Variants in RGS7 observed in about 807,000 individuals in gnomAD.
RGS7 encodes regulator of G-protein signaling 7.
Under a neutral mutation model 81.1 loss-of-function variants are expected in RGS7, and 27 were observed. The observed-to-expected ratio is 0.33, with a 90% confidence interval of 0.25 to 0.46. The LOEUF is 0.46. Among genes scored for constraint, RGS7 ranks in the 20% least tolerant of loss-of-function variants. The pLI is 1.00. For synonymous variants in RGS7, 208 were observed against 207.7 expected, an observed-to-expected ratio of 1.00 and a Z score of -0.01; for missense variants, 396 against 607.4, an observed-to-expected ratio of 0.65 and a Z score of 3.66.
At chr1:241,352,846 T>C (rs1327362308) in intron 2 of RGS7, among the ~76,000 whole-genome samples, 2 of 152,230 alleles carry the variant, frequency 1.3e-5, no homozygotes, top group East Asian at 3.8e-4. Context: ...AATTTACACA[T>C]CCCAGCTTTT....
At chr1:241,128,393 G>A (rs540458503) in intron 2 of RGS7, among the ~76,000 whole-genome samples, 1 of 152,000 alleles carries the variant, frequency 6.6e-6, no homozygotes, top group South Asian at 2.1e-4. Flanking sequence ...CGACCAGCCT[G>A]GCCAACATGG....
chr1:241,329,877 G>A (rs992704672), intron 2 of RGS7, among the ~76,000 whole-genome samples: 2 of 151,870 alleles, frequency 1.3e-5, no homozygotes, highest in African/African-American at 2.4e-5. Flanking sequence ...AGCAGCAAGT[G>A]CTAATCAATA....
intron 14 of RGS7, among the ~76,000 whole-genome samples, chr1:240,808,763 T>C (rs1261206209): frequency 2.0e-5 from 3 of 152,074 alleles, no homozygotes; most frequent in Non-Finnish European, 2.9e-5. Flanking sequence ...TGGTCCTAGC[T>C]ACTCAGGAGG....
chr1:240,861,336 G>A (rs1178888242), intron 9 of RGS7, among the ~76,000 whole-genome samples: 1 of 151,964 alleles, frequency 6.6e-6, no homozygotes, highest in Non-Finnish European at 1.5e-5. Context: ...TGAATGCTTG[G>A]CATGCATTCA....
chr1:241,341,870 CTTTTTTTT>C (rs35903618), intron 2 of RGS7, among the ~76,000 whole-genome samples: 1 of 89,520 alleles, frequency 1.1e-5, no homozygotes, highest in Non-Finnish European at 2.1e-5. Flanking sequence ...CTCTTCAACT[CTTTTTTTT>C]TTTTTTTTTT....
chr1:241,295,450 C>T (rs996500808), intron 2 of RGS7, among the ~76,000 whole-genome samples: 6 of 138,748 alleles, frequency 4.3e-5, no homozygotes, highest in Non-Finnish European at 9.7e-5. Flanking sequence ...AAGACTCTGT[C>T]TCAAAAAAAG....
intron 3 of RGS7, among the ~76,000 whole-genome samples, chr1:241,010,365 A>AT (rs1326905110): frequency 6.6e-6 from 1 of 152,202 alleles, no homozygotes; most frequent in African/African-American, 2.4e-5. Flanking sequence ...CGTTTCCAAC[A>AT]TAATACACAT....
rs1672910182 is a variant in RGS7 at position 240,918,194 on chromosome 1, T to C, written c.385+12523A>G. Among the ~76,000 whole-genome samples, 4 of 152,282 alleles carry C rather than the reference T, an allele frequency of 2.6e-5. No individual in the cohort carries two copies. In the South Asian group the frequency reaches 8.3e-4, roughly 32 times the overall value. On this transcript the variant is annotated intron_variant, in intron 6 of 18. Coordinates refer to ENST00000440928, the MANE Select transcript of RGS7 (RefSeq NM_001364886.1). Reference sequence around the variant, plus strand: ...CACATATATCTGTGGTTGACAGATCTAGCAGGCAGAAAATCAGGAAGGACA... The same window carrying C: ...CACATATATCTGTGGTTGACAGATCCAGCAGGCAGAAAATCAGGAAGGACA...
chr1:240,847,152 A>G (rs1423375215), intron 9 of RGS7, among the ~76,000 whole-genome samples: 2 of 152,210 alleles, frequency 1.3e-5, no homozygotes, highest in African/African-American at 2.4e-5. Flanking sequence ...TCCTGATTAT[A>G]CCAGTTCATA....
At chr1:240,817,611 T>C (rs368054356) in intron 10 of RGS7, among the ~76,000 whole-genome samples, 1 of 152,178 alleles carries the variant, frequency 6.6e-6, no homozygotes, top group African/African-American at 2.4e-5. Flanking sequence ...CTTTTTATTT[T>C]TATTTTTTTG....
intron 4 of RGS7, among the ~76,000 whole-genome samples, chr1:240,960,206 CTCT>C (rs1553367157): frequency 4.6e-5 from 3 of 65,470 alleles, no homozygotes; most frequent in African/African-American, 1.3e-4. Flanking sequence ...CTTCTTCTTC[CTCT>C]TCTTCTTCTT....
intron 2 of RGS7, among the ~76,000 whole-genome samples, chr1:241,182,425 AG>A (rs2103317966): frequency 6.6e-6 from 1 of 152,270 alleles, no homozygotes; most frequent in South Asian, 2.1e-4. Flanking sequence ...TGGCTTACAA[AG>A]CATTTGGGAC....
chr1:241,212,071 T>C (rs2074273803), intron 2 of RGS7, among the ~76,000 whole-genome samples: 1 of 151,562 alleles, frequency 6.6e-6, no homozygotes, highest in African/African-American at 2.4e-5. Flanking sequence ...TATTCATTTA[T>C]TATACATGTA....
chr1:240,780,439 C>CAA lies in RGS7; in HGVS notation c.*7-4228_*7-4227dup, dbSNP rs34568911. ...TGGGCTACAGAGTGAGACTCTGTCT[C>CAA]AAAAAAAAAAAAAAAAAAAAAAAAA... On this transcript the variant is annotated intron_variant, in intron 18 of 18. Transcript: ENST00000440928. Among the ~76,000 whole-genome samples the CAA allele has an allele frequency of 1.3e-3, 53 of 40,174 alleles. 2 individuals are homozygous for CAA. The highest frequency in any genetic ancestry group is 2.0e-3 in the South Asian group (2 of 984). The allele number at this position is 40,174 out of a possible 152,430, so 26.4% of individuals were successfully genotyped here. A position where few individuals can be genotyped will look rare whatever the true frequency, so the allele number is the denominator to read the frequency against.
chr1:241,299,283 G>A (rs763821289), intron 2 of RGS7, among the ~76,000 whole-genome samples: 3 of 152,040 alleles, frequency 2.0e-5, no homozygotes, highest in Middle Eastern at 3.4e-3. Flanking sequence ...AGGAAGATCC[G>A]TGTTTCCATT....
At chr1:241,063,430 G>C (rs2061850727) in intron 3 of RGS7, among the ~76,000 whole-genome samples, 1 of 152,172 alleles carries the variant, frequency 6.6e-6, no homozygotes, top group Non-Finnish European at 1.5e-5. Context: ...TCAACCGTCA[G>C]AAGTGCAGGC....
chr1:240,920,347 G>A (rs1431556924), intron 6 of RGS7: 2 of 1,534,802 alleles, frequency 1.3e-6, no homozygotes, highest in African/African-American at 1.4e-5. Flanking sequence ...GGCAGCTGTT[G>A]TGGTGGTGGA....
At chr1:241,091,892 A>G (rs2500243) in intron 3 of RGS7, among the ~76,000 whole-genome samples, 45,648 of 151,954 alleles carry the variant, frequency 0.3, 8,656 homozygotes, top group African/African-American at 0.54. Flanking sequence ...GCCTCAAACA[A>G]ACAAACCAAA....
intron 2 of RGS7, among the ~76,000 whole-genome samples, chr1:241,224,700 C>T (rs991711018): frequency 1.3e-5 from 2 of 152,126 alleles, no homozygotes; most frequent in African/African-American, 4.8e-5. Context: ...GGATAGAGTA[C>T]TTCCTGAGAC....
Sources: gnomAD v4.1 joint callset for allele counts (sites outside exome capture counted in the v4.1 genomes callset) on GRCh38, gnomAD v4.1.1 for gene constraint, MANE v1.5 for transcripts, NCBI Gene and HGNC (gene_info 2026-07-23, HGNC 2026-07-21) for gene names.